RBFOX1: variants seen among roughly 807,000 people sequenced by gnomAD.
RBFOX1 encodes the protein RNA binding fox-1 homolog 1, also known as RNA binding protein fox-1 homolog 1.
RBFOX1 carries 8 observed loss-of-function variants against 57.7 expected under a neutral mutation model. That is an observed-to-expected ratio of 0.14 (90% CI 0.08 to 0.25). RBFOX1 has a LOEUF of 0.25. RBFOX1 is among the 10% of genes least tolerant of loss of function. The pLI is 1.00. For missense variants in RBFOX1, 611 were observed against 548.5 expected, an observed-to-expected ratio of 1.11 and a Z score of -1.14; for synonymous variants, 326 against 222.4, an observed-to-expected ratio of 1.47 and a Z score of -4.15.
At chr16:5,738,635 G>GAAAAAAAAAA (rs61011633) in intron 3 of RBFOX1, among the ~76,000 whole-genome samples, 677 of 61,118 alleles carry the variant, frequency 0.011, 23 homozygotes, top group Non-Finnish European at 0.016. Flanking sequence ...CTCTGTCTCA[G>GAAAAAAAAAA]AAAAAAAAAA....
At chr16:6,745,962 C>A (rs1196388939) in intron 3 of RBFOX1, among the ~76,000 whole-genome samples, 1 of 152,110 alleles carries the variant, frequency 6.6e-6, no homozygotes, top group Non-Finnish European at 1.5e-5. Context: ...ATATGTAATT[C>A]AATTATATTT....
chr16:6,384,944 T>C (rs2092139720), intron 2 of RBFOX1, among the ~76,000 whole-genome samples: 4 of 152,218 alleles, frequency 2.6e-5, no homozygotes, highest in Admixed American at 2.6e-4. Flanking sequence ...ACCCAGAAAC[T>C]GCTCCATTTC....
intron 2 of RBFOX1, among the ~76,000 whole-genome samples, chr16:6,431,516 C>A (rs1279646258): frequency 6.6e-6 from 1 of 151,918 alleles, no homozygotes; most frequent in African/African-American, 2.4e-5. Flanking sequence ...GCTCAGTTGG[C>A]AGGTGTCAGA....
At chr16:6,218,384 C>G (rs1300928384) in intron 1 of RBFOX1, among the ~76,000 whole-genome samples, 4 of 152,136 alleles carry the variant, frequency 2.6e-5, no homozygotes, top group African/African-American at 9.7e-5. Context: ...TCTCGGCTCA[C>G]TGCGACACCT....
intron 14 of RBFOX1, among the ~76,000 whole-genome samples, chr16:7,695,907 T>C (rs145876088): frequency 1.6e-3 from 241 of 152,260 alleles, no homozygotes; most frequent in Non-Finnish European, 2.4e-3. Context: ...GAGGTGCTAT[T>C]GTCACATTGA....
At chr16:5,990,088 C>G (rs187082105) in intron 4 of RBFOX1, among the ~76,000 whole-genome samples, 1 of 152,266 alleles carries the variant, frequency 6.6e-6, no homozygotes, top group Non-Finnish European at 1.5e-5. Flanking sequence ...TGGGTTCAAG[C>G]AATCCTTGCT....
At chr16:6,492,733 G>A (rs2095662004) in intron 2 of RBFOX1, among the ~76,000 whole-genome samples, 1 of 152,222 alleles carries the variant, frequency 6.6e-6, no homozygotes. Context: ...AAATACCTAA[G>A]TAGGGTGATT....
intron 1 of RBFOX1, among the ~76,000 whole-genome samples, chr16:6,230,466 T>C (rs904229369): frequency 6.6e-6 from 1 of 152,304 alleles, no homozygotes; most frequent in Admixed American, 6.5e-5. Flanking sequence ...GTTCTAAAAC[T>C]TTTGCTTTTA....
At chr16:6,742,053 A>T (rs2072329726) in intron 3 of RBFOX1, among the ~76,000 whole-genome samples, 1 of 152,206 alleles carries the variant, frequency 6.6e-6, no homozygotes, top group South Asian at 2.1e-4. Context: ...TGAGTTAGCC[A>T]TTCTACAGTG....
intron 4 of RBFOX1, among the ~76,000 whole-genome samples, chr16:5,948,900 A>T (rs2059459793): frequency 6.6e-6 from 1 of 152,184 alleles, no homozygotes; most frequent in East Asian, 1.9e-4. Flanking sequence ...CACTCACCCA[A>T]CACCTAGTGG....
chr16:5,379,802 G>T (rs1025568264), intron 1 of RBFOX1, among the ~76,000 whole-genome samples: 2 of 152,208 alleles, frequency 1.3e-5, no homozygotes, highest in Admixed American at 6.5e-5. Context: ...CTGCTTTATA[G>T]ATTAGTGGTC....
intron 4 of RBFOX1, among the ~76,000 whole-genome samples, chr16:5,877,666 TGA>T (rs1222564769): frequency 6.6e-6 from 1 of 152,252 alleles, no homozygotes; most frequent in African/African-American, 2.4e-5. Context: ...TGCTCCTTCC[TGA>T]GCAGGGCTAC....
At chr16:6,314,845 G>A (rs144127934) in intron 1 of RBFOX1, among the ~76,000 whole-genome samples, 2 of 152,204 alleles carry the variant, frequency 1.3e-5, no homozygotes, top group African/African-American at 4.8e-5. Context: ...ATCTCTAGAA[G>A]AGAACCATGT....
intron 3 of RBFOX1, among the ~76,000 whole-genome samples, chr16:5,830,756 C>G (rs2056237081): frequency 6.6e-6 from 1 of 152,158 alleles, no homozygotes; most frequent in South Asian, 2.1e-4. Flanking sequence ...CCTGCTGGAC[C>G]TTGTGCCACC....
intron 4 of RBFOX1, among the ~76,000 whole-genome samples, chr16:7,211,340 C>T (rs913185684): frequency 2.9e-5 from 4 of 137,376 alleles, no homozygotes; most frequent in African/African-American, 5.6e-5. Flanking sequence ...TGCAGTGAGC[C>T]GAGATTGCAC....
At chr16:7,022,955 C>G (rs539148373) in intron 3 of RBFOX1, among the ~76,000 whole-genome samples, 1 of 152,268 alleles carries the variant, frequency 6.6e-6, no homozygotes, top group Admixed American at 6.5e-5. Flanking sequence ...TAAATAGACA[C>G]AGCCAGGAAG....
intron 3 of RBFOX1, among the ~76,000 whole-genome samples, chr16:7,050,165 T>G (rs1472092775): frequency 6.6e-6 from 1 of 150,376 alleles, no homozygotes; most frequent in Non-Finnish European, 1.5e-5. Flanking sequence ...TTTTTTTTTT[T>G]GGATATTTAT....
At chr16:7,116,180 C>T (rs2065865477) in intron 4 of RBFOX1, among the ~76,000 whole-genome samples, 1 of 152,180 alleles carries the variant, frequency 6.6e-6, no homozygotes, top group South Asian at 2.1e-4. Context: ...TTCTCCCGTT[C>T]ACCAGTTGCA....
chr16:7,515,221 A>G (rs535554187), intron 4 of RBFOX1, among the ~76,000 whole-genome samples: 4 of 151,888 alleles, frequency 2.6e-5, no homozygotes, highest in Non-Finnish European at 5.9e-5. Flanking sequence ...AACAGCCCAG[A>G]AAAAGAAAAG....
Sources: gnomAD v4.1 joint callset for allele counts (sites outside exome capture counted in the v4.1 genomes callset) on GRCh38, gnomAD v4.1.1 for gene constraint, MANE v1.5 for transcripts, NCBI Gene and HGNC (gene_info 2026-07-23, HGNC 2026-07-21) for gene names.